The following LRRK1 variants were observed in gnomAD, a reference collection of about 807,000 sequenced individuals.
LRRK1 encodes leucine-rich repeat serine/threonine-protein kinase 1.
Under a neutral mutation model 209.1 loss-of-function variants are expected in LRRK1, and 113 were observed. The ratio of observed to expected loss-of-function variants is 0.54; its 90% CI spans 0.46 to 0.63. LRRK1 has a LOEUF of 0.63. LRRK1 is among the 30% of genes least tolerant of loss of function. The pLI, the probability that LRRK1 is intolerant of heterozygous loss-of-function variation, is 0.00. For synonymous variants in LRRK1, 1,144 were observed against 1,099.7 expected, an observed-to-expected ratio of 1.04 and a Z score of -0.80; for missense variants, 2,284 against 2,632.2, an observed-to-expected ratio of 0.87 and a Z score of 2.89.
At chr15:101,042,614 A>C in intron 20 of LRRK1, among the ~76,000 whole-genome samples, 1 of 152,266 alleles carries the variant, frequency 6.6e-6, no homozygotes. Context: ...GCCCTTGAGC[A>C]TTGGGCAGCA....
intron 2 of LRRK1, among the ~76,000 whole-genome samples, chr15:100,959,996 C>G (rs1173786694): frequency 6.6e-6 from 1 of 152,112 alleles, no homozygotes; most frequent in Admixed American, 6.5e-5. Context: ...GAAGTTAAAT[C>G]CAGTTAGCAA....
intron 12 of LRRK1, among the ~76,000 whole-genome samples, chr15:101,016,958 A>G (rs958385029): frequency 1.3e-5 from 2 of 152,228 alleles, no homozygotes; most frequent in African/African-American, 4.8e-5. Context: ...ACATCTAGGT[A>G]AACAAGCTCT....
At chr15:100,928,291 C>T (rs1005833882) in intron 2 of LRRK1, among the ~76,000 whole-genome samples, 1 of 152,210 alleles carries the variant, frequency 6.6e-6, no homozygotes, top group African/African-American at 2.4e-5. Flanking sequence ...ATGCGGAATA[C>T]TTGACTTACT....
chr15:101,059,208 G>A (rs2036006982), intron 29 of LRRK1, among the ~76,000 whole-genome samples: 1 of 152,072 alleles, frequency 6.6e-6, no homozygotes, highest in African/African-American at 2.4e-5. Flanking sequence ...TAGGAAACAT[G>A]GTGAAACTTT....
chr15:101,029,317 C>A, intron 20 of LRRK1, 85 bp downstream of exon 20: 2 of 1,356,670 alleles, frequency 1.5e-6, no homozygotes, highest in Non-Finnish European at 2.0e-6. Flanking sequence ...GTGGCCTGAA[C>A]AAGATTTCCA....
At chr15:101,066,589 A>T (rs993006431) in intron 32 of LRRK1, 51 bp from the exon 33 acceptor site, 1 of 1,552,728 alleles carries the variant, frequency 6.4e-7, no homozygotes. Context: ...CACTCCCCGG[A>T]GAGCACGGCT....
At chr15:100,953,313 C>A in intron 2 of LRRK1, among the ~76,000 whole-genome samples, 1 of 152,164 alleles carries the variant, frequency 6.6e-6, no homozygotes, top group East Asian at 1.9e-4. Flanking sequence ...TTGGCAACCA[C>A]CATTCACTCT....
intron 2 of LRRK1, among the ~76,000 whole-genome samples, chr15:100,957,759 T>C (rs990144572): frequency 6.6e-6 from 1 of 152,248 alleles, no homozygotes; most frequent in Non-Finnish European, 1.5e-5. Flanking sequence ...AGCTACTGTG[T>C]GTCTTTTGAT....
intron 2 of LRRK1, among the ~76,000 whole-genome samples, chr15:100,973,389 C>T (rs564668958): frequency 2.6e-5 from 4 of 152,354 alleles, no homozygotes; most frequent in South Asian, 2.1e-4. Context: ...TGGATGTCCA[C>T]ACCCCCGGGA....
chr15:101,046,796 C>T (rs376458668), intron 21 of LRRK1, among the ~76,000 whole-genome samples: 1 of 152,274 alleles, frequency 6.6e-6, no homozygotes, highest in East Asian at 1.9e-4. Context: ...ACACGGGAGA[C>T]CCCCCGCCCA....
In LRRK1 at chr15:100,957,973, C is replaced by T. The variant is rs185053471; in HGVS notation, c.98-15831C>T. On this transcript the variant is annotated intron_variant, in intron 2 of 33. Coordinates refer to ENST00000388948, the MANE Select transcript of LRRK1 (RefSeq NM_024652.6). ...CTCCGCCTCCCAGGTTCAAGTGATT[C>T]TCCTGCCTCAGCCTCCTGAGTAGCT... is the stretch of plus-strand genomic sequence containing the variant. Among the ~76,000 whole-genome samples the T allele has an allele frequency of 3.9e-5, 6 of 152,306 alleles. No individual in the cohort carries two copies. The East Asian group carries it at 5.8e-4, about 15-fold the overall frequency.
intron 31 of LRRK1, among the ~76,000 whole-genome samples, chr15:101,062,896 C>T (rs563991572): frequency 6.6e-6 from 1 of 152,174 alleles, no homozygotes; most frequent in South Asian, 2.1e-4. Flanking sequence ...AAGTCAAGTC[C>T]CCAGCCAGAC....
At chr15:100,997,178 C>G (rs954818615) in intron 6 of LRRK1, among the ~76,000 whole-genome samples, 4 of 151,928 alleles carry the variant, frequency 2.6e-5, no homozygotes, top group Non-Finnish European at 2.9e-5. Context: ...AATTTCTAAA[C>G]ATATATGAAG....
Position 101,072,463 on chromosome 15 carries a change from T to C in LRRK1, c.*3615T>C, listed in dbSNP as rs2036838905. 1 of 152,256 alleles carries C rather than the reference T, an allele frequency of 6.6e-6. No individual in the cohort carries two copies. The highest frequency in any genetic ancestry group is 1.5e-5 in the Non-Finnish European group (1 of 68,068). 9.4% of individuals were successfully genotyped at this position (152,256 alleles called of 1,614,324 possible). A position where few individuals can be genotyped will look rare whatever the true frequency, so the allele number is the denominator to read the frequency against. On this transcript the variant is annotated 3_prime_UTR_variant, in exon 34 of 34. Transcript: ENST00000388948. ...CCAAGATATAATAAATGCATTTGTT[T>C]GAAAGCAGCTTGCAGCACAGTGCGT...
intron 31 of LRRK1, among the ~76,000 whole-genome samples, chr15:101,062,999 G>A (rs894036103): frequency 2.6e-5 from 4 of 152,138 alleles, no homozygotes; most frequent in Non-Finnish European, 4.4e-5. Flanking sequence ...GCAGTCATGC[G>A]TGTGCCCTTC....
rs1424362342 is a variant in LRRK1 at position 100,983,665 on chromosome 15, G to A, written c.399G>A (p.Thr133=). 8 of 1,608,476 alleles carry A rather than the reference G, an allele frequency of 5.0e-6. No individual in the cohort carries two copies. The highest frequency in any genetic ancestry group is 1.7e-5 in the Admixed American group (1 of 59,656). ...TGGTGGCAGCGTATTTTGGACACAC[G>A]GCAGTTGTGCAGGAATTGCTTGAGT... is the stretch of plus-strand genomic sequence containing the variant. ...PAVVAAYFGH[T]AVVQELLESL... Residue 133 remains threonine (T), a synonymous_variant, in exon 4 of 34, where the codon ACG becomes ACA. Coordinates refer to ENST00000388948, the MANE Select transcript of LRRK1 (RefSeq NM_024652.6).
chr15:101,056,942 C>CAAGAA lies in LRRK1; in HGVS notation c.4420_4424dup (p.Leu1476ArgfsTer26). On this transcript the variant is annotated frameshift_variant, in exon 28 of 34. Transcript: ENST00000388948. LOFTEE classifies it high-confidence loss of function. ...TGGGCCACCACCAGCTCCAGATTGC[C>CAAGAA]AAGAAGCTGTCCAAGGGCATCCGCC... is the stretch of plus-strand genomic sequence containing the variant. The CAAGAA allele has an allele frequency of 6.2e-7, 1 of 1,614,184 alleles. No individual in the cohort carries two copies. Among genetic ancestry groups the CAAGAA allele is most frequent in the East Asian group, 2.2e-5 (1 of 44,884 alleles).
intron 6 of LRRK1, among the ~76,000 whole-genome samples, chr15:101,003,806 G>A (rs2032815667): frequency 6.6e-6 from 1 of 152,106 alleles, no homozygotes; most frequent in Non-Finnish European, 1.5e-5. Context: ...CACCCTCTTA[G>A]CTCCAGGCCC....
chr15:101,035,263 G>A (rs2034450625), intron 20 of LRRK1, among the ~76,000 whole-genome samples: 1 of 151,796 alleles, frequency 6.6e-6, no homozygotes, highest in African/African-American at 2.4e-5. Flanking sequence ...GTATGTTTAA[G>A]TGCCATACTA....
Sources: allele counts gnomAD v4.1 joint callset (sites outside exome capture counted in the v4.1 genomes callset), GRCh38; gene constraint gnomAD v4.1.1; transcripts MANE v1.5; gene names NCBI Gene and HGNC (gene_info 2026-07-23, HGNC 2026-07-21).